L3MBTL4: variants seen among roughly 807,000 people sequenced by gnomAD.
L3MBTL4 encodes the protein lethal(3)malignant brain tumor-like protein 4.
A neutral mutation model predicts 84.5 loss-of-function variants in L3MBTL4; 70 were observed. That is an observed-to-expected ratio of 0.83 (90% CI 0.68 to 1.01). The LOEUF (loss-of-function observed/expected upper bound fraction) is 1.01, where lower values mean the gene tolerates loss of function less well. L3MBTL4 is among the 50% of genes least tolerant of loss of function. The probability of loss-of-function intolerance (pLI) is 0.00; values close to 1 mark genes in which losing one functional copy is unlikely to be tolerated. For synonymous variants in L3MBTL4, 274 were observed against 259.8 expected, an observed-to-expected ratio of 1.05 and a Z score of -0.52; for missense variants, 715 against 754.8, an observed-to-expected ratio of 0.95 and a Z score of 0.62.
At chr18:6,384,193 G>A (rs1329923083) in intron 1 of L3MBTL4, among the ~76,000 whole-genome samples, 2 of 152,166 alleles carry the variant, frequency 1.3e-5, no homozygotes, top group African/African-American at 4.8e-5. Flanking sequence ...TGAGTAGGCA[G>A]AGGCCTTCCC....
chr18:6,009,256 C>T (rs544124104), intron 16 of L3MBTL4, among the ~76,000 whole-genome samples: 1 of 152,248 alleles, frequency 6.6e-6, no homozygotes, highest in South Asian at 2.1e-4. Context: ...GCTGACAGTA[C>T]AGGTAGGTGT....
chr18:6,016,918 G>C (rs888968862), intron 16 of L3MBTL4, among the ~76,000 whole-genome samples: 1 of 152,162 alleles, frequency 6.6e-6, no homozygotes, highest in Non-Finnish European at 1.5e-5. Flanking sequence ...AAGGGGCATG[G>C]AGAAGCAGCC....
At chr18:6,361,694 G>T (rs1454210082) in intron 1 of L3MBTL4, among the ~76,000 whole-genome samples, 1 of 152,176 alleles carries the variant, frequency 6.6e-6, no homozygotes, top group Non-Finnish European at 1.5e-5. Flanking sequence ...CCAATGCCAG[G>T]TTCTGCTTCT....
chr18:5,973,215 G>A (rs1340194103), intron 16 of L3MBTL4, among the ~76,000 whole-genome samples: 4 of 152,180 alleles, frequency 2.6e-5, no homozygotes, highest in Non-Finnish European at 5.9e-5. Context: ...GCTGTGTTCA[G>A]ATTTCACACC....
chr18:6,283,701 G>T (rs943380042), intron 4 of L3MBTL4, among the ~76,000 whole-genome samples: 1 of 152,044 alleles, frequency 6.6e-6, no homozygotes, highest in African/African-American at 2.4e-5. Context: ...ATTTAATCTT[G>T]ACAATTTTAT....
chr18:6,182,284 G>C (rs2044509907), intron 12 of L3MBTL4, among the ~76,000 whole-genome samples: 1 of 152,130 alleles, frequency 6.6e-6, no homozygotes, highest in Non-Finnish European at 1.5e-5. Context: ...CATGTTGACT[G>C]TGTGTGTGTC....
chr18:6,165,922 T>G (rs1343218891), intron 13 of L3MBTL4, among the ~76,000 whole-genome samples: 2 of 152,126 alleles, frequency 1.3e-5, no homozygotes. Context: ...CAGTGTGCTG[T>G]ATTCAGGAAA....
chr18:6,088,411 G>A (rs1232514152), intron 15 of L3MBTL4, among the ~76,000 whole-genome samples: 2 of 152,156 alleles, frequency 1.3e-5, no homozygotes, highest in African/African-American at 4.8e-5. Flanking sequence ...ACTTCAAGAA[G>A]CTCTTACAGA....
At chr18:6,032,407 C>A (rs992347961) in intron 16 of L3MBTL4, 1 of 642,308 alleles carries the variant, frequency 1.6e-6, no homozygotes, top group Non-Finnish European at 1.9e-6. Context: ...CACACACACA[C>A]ACACACACAA....
At chr18:5,982,072 T>C (rs12968675) in intron 16 of L3MBTL4, among the ~76,000 whole-genome samples, 6,196 of 151,526 alleles carry the variant, frequency 0.041, 197 homozygotes, top group Middle Eastern at 0.072. Context: ...CAGGAACAAG[T>C]AACTTGCATA....
chr18:6,174,142 T>C (rs1242210684), intron 12 of L3MBTL4, among the ~76,000 whole-genome samples: 1 of 147,022 alleles, frequency 6.8e-6, no homozygotes, highest in Non-Finnish European at 1.5e-5. Context: ...CGAACTCTAC[T>C]CTTAAAAAAA....
chr18:6,391,021 A>T (rs1445538925), intron 1 of L3MBTL4, among the ~76,000 whole-genome samples: 2 of 151,868 alleles, frequency 1.3e-5, no homozygotes, highest in Non-Finnish European at 2.9e-5. Context: ...AGGAAAGGAC[A>T]TAACAAAAAA....
At chr18:6,192,179 G>A (rs1258599847) in intron 12 of L3MBTL4, among the ~76,000 whole-genome samples, 1 of 152,150 alleles carries the variant, frequency 6.6e-6, no homozygotes, top group East Asian at 1.9e-4. Flanking sequence ...GGTATAGACA[G>A]CTCTTTCAAA....
At chr18:6,007,327 G>A (rs1310288054) in intron 16 of L3MBTL4, among the ~76,000 whole-genome samples, 5 of 150,962 alleles carry the variant, frequency 3.3e-5, no homozygotes, top group African/African-American at 1.2e-4. Flanking sequence ...TTAAACATAT[G>A]AAAAAAATGC....
At chr18:6,406,804 T>C (rs1448690538) in intron 1 of L3MBTL4, among the ~76,000 whole-genome samples, 1 of 152,028 alleles carries the variant, frequency 6.6e-6, no homozygotes, top group African/African-American at 2.4e-5. Context: ...AAATGCTGAA[T>C]CCAAATGTGT....
At chr18:6,220,314 C>A (rs1191230471) in intron 10 of L3MBTL4, among the ~76,000 whole-genome samples, 4 of 152,188 alleles carry the variant, frequency 2.6e-5, no homozygotes, top group African/African-American at 9.6e-5. Flanking sequence ...GGCCCCACTA[C>A]CGCTCTGACC....
chr18:6,317,066 C>T (rs1050781113), intron 1 of L3MBTL4, among the ~76,000 whole-genome samples: 13 of 152,182 alleles, frequency 8.5e-5, no homozygotes, highest in African/African-American at 2.9e-4. Context: ...TTCAAGAGAT[C>T]TCTGCCATTC....
chr18:6,396,533 T>A (rs2055278106), intron 1 of L3MBTL4: 1 of 152,278 alleles, frequency 6.6e-6, no homozygotes, highest in Admixed American at 6.5e-5. Context: ...GGATTTTGTG[T>A]GCAGGCTCCA....
intron 10 of L3MBTL4, among the ~76,000 whole-genome samples, chr18:6,216,416 A>T (rs1806882429): frequency 6.6e-6 from 1 of 152,010 alleles, no homozygotes. Context: ...TTCCTAATTA[A>T]ATTTGCTAGA....
Sources: allele counts gnomAD v4.1 joint callset (sites outside exome capture counted in the v4.1 genomes callset), GRCh38; gene constraint gnomAD v4.1.1; transcripts MANE v1.5; gene names NCBI Gene and HGNC (gene_info 2026-07-23, HGNC 2026-07-21).